The following FRYL variants were observed in gnomAD, a reference collection of about 807,000 sequenced individuals.
The protein encoded by FRYL is protein furry homolog-like.
A neutral mutation model predicts 351.2 loss-of-function variants in FRYL; 150 were observed. The ratio of observed to expected loss-of-function variants is 0.43; its 90% CI spans 0.37 to 0.49. The LOEUF is 0.49. Ranked by LOEUF, FRYL falls within the 20% of genes least tolerant of loss-of-function variation. The probability of loss-of-function intolerance (pLI) is 0.00; values close to 1 mark genes in which losing one functional copy is unlikely to be tolerated. For missense variants in FRYL, 3,036 were observed against 3,619.3 expected, an observed-to-expected ratio of 0.84 and a Z score of 4.13; for synonymous variants, 1,153 against 1,257.1, an observed-to-expected ratio of 0.92 and a Z score of 1.75.
intron 1 of FRYL, among the ~76,000 whole-genome samples, chr4:48,757,346 G>T (rs1467867613): frequency 6.6e-6 from 1 of 152,176 alleles, no homozygotes; most frequent in Non-Finnish European, 1.5e-5. Flanking sequence ...AAACCCCATT[G>T]TCTCAGCCCA....
In FRYL at chr4:48,708,984, C is replaced by T. The variant is rs1459371642; in HGVS notation, c.-204+1535G>A. 1.1e-4 allele frequency among the ~76,000 whole-genome samples: 17 copies of T among 149,968 alleles called. No individual in the cohort carries two copies. In the South Asian group the frequency reaches 3.6e-3, roughly 32 times the overall value. On this transcript the variant is annotated intron_variant, in intron 2 of 63. Coordinates refer to ENST00000358350, the MANE Select transcript of FRYL (RefSeq NM_015030.2). ...GTCTCCCAGGCTGGATGCGGTGGCG[C>T]GATCTCGGCTCACTGTAAGCTCCGC...
intron 1 of FRYL, among the ~76,000 whole-genome samples, chr4:48,772,036 T>C (rs777042473): frequency 6.6e-6 from 1 of 152,200 alleles, no homozygotes; most frequent in Non-Finnish European, 1.5e-5. Context: ...TGGCTAGAGT[T>C]CCTTTTGCAA....
intron 60 of FRYL, among the ~76,000 whole-genome samples, chr4:48,503,503 A>G (rs1280493170): frequency 6.6e-6 from 1 of 152,222 alleles, no homozygotes; most frequent in Non-Finnish European, 1.5e-5. Flanking sequence ...AATCAACATA[A>G]TGTATGTAAA....
intron 3 of FRYL, among the ~76,000 whole-genome samples, chr4:48,681,917 T>C (rs1268137142): frequency 6.6e-6 from 1 of 152,180 alleles, no homozygotes; most frequent in Non-Finnish European, 1.5e-5. Context: ...TAGCCAATCC[T>C]ACTGCTTTGA....
chr4:48,710,152 A>C (rs1469985608), intron 2 of FRYL, among the ~76,000 whole-genome samples: 1 of 152,242 alleles, frequency 6.6e-6, no homozygotes. Context: ...CATTTCCATG[A>C]ATGTATACAT....
rs567236064 is a variant in FRYL, at chr4:48,721,202, T to G, written c.-383-10504A>C. Among the ~76,000 whole-genome samples, 9 of 152,282 alleles carry G rather than the reference T, an allele frequency of 5.9e-5. No homozygotes were observed. The South Asian group carries it at 1.9e-3, about 32-fold the overall frequency. On this transcript the variant is annotated intron_variant, in intron 1 of 63. Transcript: ENST00000358350. ...TATACTTATTTAATTCCTTATTACC[T>G]TTCTCCCTAACTAGAACGTAAACAC...
chr4:48,636,244 C>T (rs1269775650), intron 3 of FRYL, among the ~76,000 whole-genome samples: 1 of 152,000 alleles, frequency 6.6e-6, no homozygotes, highest in African/African-American at 2.4e-5. Flanking sequence ...TAACAAATGT[C>T]ATTGTGGAAG....
chr4:48,772,680 A>T (rs1775636346), intron 1 of FRYL, among the ~76,000 whole-genome samples: 1 of 3,226 alleles, frequency 3.1e-4, no homozygotes, highest in Non-Finnish European at 9.7e-4. Flanking sequence ...GAGACCTACC[A>T]AAAAAAAAAA....
intron 3 of FRYL, among the ~76,000 whole-genome samples, chr4:48,671,891 A>AAAAAAAAG (rs1762817692): frequency 1.4e-5 from 2 of 142,462 alleles, no homozygotes; most frequent in African/African-American, 5.2e-5. Context: ...AAAAAAAAAA[A>AAAAAAAAG]GAAGGAAAGA....
chr4:48,536,299 AC>A, intron 47 of FRYL, among the ~76,000 whole-genome samples: 1 of 152,180 alleles, frequency 6.6e-6, no homozygotes, highest in East Asian at 1.9e-4. Flanking sequence ...TCAGTTGCAA[AC>A]AGCCTCAACA....
At chr4:48,565,469 G>A (rs1168766327) in intron 29 of FRYL, 62 bp downstream of exon 29, 1 of 1,289,420 alleles carries the variant, frequency 7.8e-7, no homozygotes, top group Non-Finnish European at 1.0e-6. Flanking sequence ...TAGTGACTGA[G>A]AGACTTAAAA....
intron 23 of FRYL, among the ~76,000 whole-genome samples, chr4:48,578,197 T>C (rs537180406): frequency 1.3e-4 from 20 of 152,154 alleles, no homozygotes; most frequent in Non-Finnish European, 2.5e-4. Context: ...TGGTTCCAAC[T>C]TTGAAAGTAT....
At chr4:48,770,627 G>C (rs1168538454) in intron 1 of FRYL, among the ~76,000 whole-genome samples, 1 of 151,890 alleles carries the variant, frequency 6.6e-6, no homozygotes, top group Non-Finnish European at 1.5e-5. Context: ...AGTAGAGATG[G>C]GGTTTCTCCA....
At chr4:48,706,531 T>A (rs1220864120) in intron 2 of FRYL, among the ~76,000 whole-genome samples, 1 of 152,176 alleles carries the variant, frequency 6.6e-6, no homozygotes, top group Non-Finnish European at 1.5e-5. Context: ...GAGTTTCATT[T>A]TGTAAAGATG....
At chr4:48,536,232 T>C (rs1171006880) in intron 47 of FRYL, among the ~76,000 whole-genome samples, 1 of 152,046 alleles carries the variant, frequency 6.6e-6, no homozygotes, top group Non-Finnish European at 1.5e-5. Context: ...CGAGCTGCTG[T>C]GACTGGGAGG....
chr4:48,502,654 C>T (rs553679288), intron 61 of FRYL, among the ~76,000 whole-genome samples, 174 bp downstream of exon 61: 63 of 152,170 alleles, frequency 4.1e-4, no homozygotes, highest in African/African-American at 1.4e-3. Context: ...TAACATCTCA[C>T]TATTTTAAAA....
At chr4:48,711,945 C>T (rs1768108637) in intron 1 of FRYL, among the ~76,000 whole-genome samples, 2 of 152,314 alleles carry the variant, frequency 1.3e-5, no homozygotes, top group South Asian at 2.1e-4. Context: ...GCTGCTAATA[C>T]CCAGGCAAAC....
At chr4:48,600,241 T>C (rs1745440483) in intron 13 of FRYL, among the ~76,000 whole-genome samples, 1 of 152,204 alleles carries the variant, frequency 6.6e-6, no homozygotes, top group East Asian at 1.9e-4. Flanking sequence ...AATAAATAAC[T>C]GTTACAACAG....
Position 48,544,873 on chromosome 4 carries a change from C to T in FRYL, c.5311G>A (p.Val1771Ile). The T allele has an allele frequency of 6.2e-7, 1 of 1,607,330 alleles. No homozygotes were observed. Among genetic ancestry groups the T allele is most frequent in the African/African-American group, 1.3e-5 (1 of 74,596 alleles). The stretch of plus-strand genomic sequence containing the variant: ...TTTATGCTAGGATTCTTGGCAGAAA[C>T]ATCCTCATGGTTCCAAAGGGGCCCT... ...KRGPLWNHED[V>I]SAKNPSIKSA... Residue 1771 changes from valine to isoleucine, a missense_variant, in exon 43 of 64, where the codon GTT becomes ATT. Val to Ile is a conservative substitution (Grantham distance 29). This residue lies in a region of FRYL where 1,987 missense variants were observed against 2,311.7 expected (regional missense o/e 0.86). Transcript: ENST00000358350.
Sources: allele counts gnomAD v4.1 joint callset (sites outside exome capture counted in the v4.1 genomes callset), GRCh38; gene constraint gnomAD v4.1.1; regional missense constraint gnomAD v4.1.1; transcripts MANE v1.5; gene names NCBI Gene and HGNC (gene_info 2026-07-23, HGNC 2026-07-21).